The following NUP153 variants were observed in gnomAD, a reference collection of about 807,000 sequenced individuals.
The protein encoded by NUP153 is nucleoporin 153.
In NUP153, 27 loss-of-function variants were observed where a neutral mutation model predicts 134.6. The observed-to-expected ratio is 0.20, with a 90% confidence interval of 0.15 to 0.28. The LOEUF is 0.28. Ranked by LOEUF, NUP153 falls within the 10% of genes least tolerant of loss-of-function variation. The pLI is 1.00. For synonymous variants in NUP153, 640 were observed against 623.5 expected (o/e 1.03, Z -0.40); for missense variants, 1,821 against 1,731.3 (o/e 1.05, Z -0.92).
intron 2 of NUP153, among the ~76,000 whole-genome samples, chr6:17,683,465 T>C (rs576025698): frequency 1.3e-5 from 2 of 152,358 alleles, no homozygotes; most frequent in South Asian, 4.1e-4. Context: ...ATTAGAGCTC[T>C]TGGGTGACCA....
intron 1 of NUP153, among the ~76,000 whole-genome samples, chr6:17,693,950 G>C (rs188543312): frequency 5.3e-5 from 8 of 152,186 alleles, no homozygotes; most frequent in Admixed American, 5.2e-4. Flanking sequence ...ACTTTTTCAG[G>C]TCTTTGCTTA....
rs189763169 is a variant in NUP153 at position 17,702,447 on chromosome 6, G to T, written c.111+3830C>A. On this transcript the variant is annotated intron_variant, in intron 1 of 21. Coordinates refer to ENST00000262077, the MANE Select transcript of NUP153 (RefSeq NM_005124.4). ...GGCGTGAACCCGGGAGGCAGAGCTT[G>T]CAGTGAGCAGAGATCGTGCCACTGC... Among the ~76,000 whole-genome samples, 45 of 152,204 alleles carry T rather than the reference G, an allele frequency of 3.0e-4. 1 individual carries two copies. In the East Asian group the frequency reaches 7.3e-3, roughly 25 times the overall value.
chr6:17,637,712 T>C lies in NUP153; in HGVS notation c.1905A>G (p.Val635=). The change falls in exon 16 of 22, where the codon GTA becomes GTG. Residue 635 remains valine, a synonymous_variant. Coordinates refer to ENST00000262077, the MANE Select transcript of NUP153 (RefSeq NM_005124.4). The part of the protein sequence containing the change: ...VAAQPTATSP[V]VYTRPAISSF... ...TACTTATTGCTGGTCTTGTATAAAC[T>C]ACTGGGCTTGTTGCGGTGGGCTGAG... 1 of 1,608,764 alleles carries C rather than the reference T, an allele frequency of 6.2e-7. No homozygotes were observed. Among genetic ancestry groups the C allele is most frequent in the Non-Finnish European group, 8.5e-7 (1 of 1,179,998 alleles).
In NUP153 at chr6:17,637,310, A is replaced by C. The variant is rs755626619; in HGVS notation, c.2307T>G (p.Thr769=). Residue 769 remains threonine, a synonymous_variant, in exon 16 of 22, where the codon ACT becomes ACG. Coordinates refer to ENST00000262077, the MANE Select transcript of NUP153 (RefSeq NM_005124.4). ...TGCAGCTGGAAGATGAAGCAGTCATAGTCTCAGCACTTTCCGAAACCACTG... is the reference window on the plus strand; with the variant it reads ...TGCAGCTGGAAGATGAAGCAGTCATCGTCTCAGCACTTTCCGAAACCACTG... The part of the protein sequence containing the change: ...TLTVVSESAE[T]MTASSSSCTV... The C allele has an allele frequency of 1.2e-6, 2 of 1,614,234 alleles. No homozygotes were observed. Among genetic ancestry groups the C allele is most frequent in the Non-Finnish European group, 1.7e-6 (2 of 1,180,040 alleles).
intron 2 of NUP153, 95 bp downstream of exon 2, chr6:17,688,301 T>C (rs1365578998): frequency 3.5e-6 from 3 of 846,792 alleles, no homozygotes; most frequent in Non-Finnish European, 5.8e-6. Context: ...ATGGTTTATG[T>C]ACCGCCTGAT....
chr6:17,701,423 G>C (rs1209994099), intron 1 of NUP153, among the ~76,000 whole-genome samples: 1 of 151,962 alleles, frequency 6.6e-6, no homozygotes, highest in Non-Finnish European at 1.5e-5. Flanking sequence ...CAGCACTTTG[G>C]GAGGTCAAGG....
chr6:17,686,437 C>T (rs1170758539), intron 2 of NUP153, among the ~76,000 whole-genome samples: 1 of 151,556 alleles, frequency 6.6e-6, no homozygotes, highest in African/African-American at 2.4e-5. Flanking sequence ...TCGCTGTCGC[C>T]CAGGCTGGAG....
intron 11 of NUP153, among the ~76,000 whole-genome samples, chr6:17,650,512 A>G (rs1348373588): frequency 6.6e-6 from 1 of 152,234 alleles, no homozygotes; most frequent in Non-Finnish European, 1.5e-5. Context: ...ATGAGTTCAG[A>G]GAAGTCCATT....
At chr6:17,653,475 T>TA (rs1046586189) in intron 11 of NUP153, among the ~76,000 whole-genome samples, 3 of 152,212 alleles carry the variant, frequency 2.0e-5, no homozygotes, top group Non-Finnish European at 2.9e-5. Context: ...AAGAGGGATA[T>TA]AAAATGGCAC....
chr6:17,624,674 C>T lies in NUP153; in HGVS notation c.4061G>A (p.Gly1354Asp). Residue 1354 changes from glycine (G) to aspartate (D), a missense_variant, in exon 20 of 22, where the codon GGT (glycine) becomes GAT (aspartate). Physicochemically the swap from Gly to Asp is moderately conservative, Grantham distance 94. Transcript: ENST00000262077. ...ISSSTALFPT[G>D]SQPAPPTFGT... ...AAAAGTAGGTGGTGCAGGCTGAGAA[C>T]CAGTGGGAAATAATGCTGTGGAAGA... 1 of 1,614,114 alleles carries T rather than the reference C, an allele frequency of 6.2e-7. No individual in the cohort carries two copies.
intron 13 of NUP153, among the ~76,000 whole-genome samples, chr6:17,646,941 G>C (rs906331832): frequency 7.6e-6 from 1 of 130,842 alleles, no homozygotes; most frequent in Non-Finnish European, 1.6e-5. Context: ...TTTTTTAGTA[G>C]AGACGAGGTT....
At chr6:17,644,102 C>A (rs1306215285) in intron 14 of NUP153, among the ~76,000 whole-genome samples, 1 of 151,918 alleles carries the variant, frequency 6.6e-6, no homozygotes, top group East Asian at 1.9e-4. Flanking sequence ...TTAGTTTGGG[C>A]CACTTCCATA....
Position 17,675,773 on chromosome 6 carries a change from T to TAA in NUP153, c.335-5_335-4dup, listed in dbSNP as rs748134830. 4.3e-6 allele frequency: 7 copies of TAA among 1,612,330 alleles called. No individual in the cohort carries two copies. The East Asian group carries it at 1.6e-4, about 36-fold the overall frequency. The stretch of plus-strand genomic sequence containing the variant: ...AGCAGTACTAGTTGTTGAAGGTTCT[T>TAA]AAAAGAAAAGCATTAATATTATGAA... On this transcript the variant is annotated splice_polypyrimidine_tract_variant and splice_region_variant and intron_variant, in intron 2 of 21. Coordinates refer to ENST00000262077, the MANE Select transcript of NUP153 (RefSeq NM_005124.4). This position sits in a 1 kb window ranked among gnomAD's most constrained non-coding sequence, Gnocchi z 4.4.
intron 13 of NUP153, 126 bp downstream of exon 13, chr6:17,647,681 A>G: frequency 1.5e-6 from 1 of 648,738 alleles, no homozygotes; most frequent in Non-Finnish European, 2.7e-6. Flanking sequence ...TTTTTTACAC[A>G]GAGTATTTTT....
At position 17,706,684 on chromosome 6, in the gene NUP153, CAG is replaced by C; in HGVS notation, c.-299_-298del. 1 of 463,074 alleles carries C rather than the reference CAG, an allele frequency of 2.2e-6. No individual in the cohort carries two copies. Among genetic ancestry groups the C allele is most frequent in the South Asian group, 2.3e-5 (1 of 43,492 alleles). The allele number at this position is 463,074 out of a possible 1,614,324, so 28.7% of individuals were successfully genotyped here. ...TCACGGTCTCTATGGAGATCTCCCG[CAG>C]AGGACAGCACGAACAGTTCCCCGCG... On this transcript the variant is annotated 5_prime_UTR_variant, in exon 1 of 22. Coordinates refer to ENST00000262077, the MANE Select transcript of NUP153 (RefSeq NM_005124.4). This position sits in a 1 kb window ranked among gnomAD's most constrained non-coding sequence, Gnocchi z 5.9.
intron 11 of NUP153, among the ~76,000 whole-genome samples, chr6:17,651,221 T>G (rs1183963647): frequency 1.3e-5 from 2 of 152,114 alleles, no homozygotes; most frequent in Non-Finnish European, 2.9e-5. Flanking sequence ...GAGAATGGCC[T>G]GAGTCCAGGA....
At position 17,625,665 on chromosome 6, in the gene NUP153, T is replaced by C. The variant is rs1581663879; in HGVS notation, c.3901+143A>G. On this transcript the variant is annotated intron_variant, in intron 19 of 21. Transcript: ENST00000262077. The surrounding 1 kb of genome is among the most constrained non-coding windows in gnomAD (Gnocchi z 4.7). ...AGTGTACATTATTCCATACAGTGAA[T>C]AATTAAAACAACCCTGGTATAGATG... 3.0e-6 allele frequency: 2 copies of C among 663,818 alleles called. No homozygotes were observed. The highest frequency in any genetic ancestry group is 5.3e-6 in the Non-Finnish European group (2 of 375,184). 41.1% of individuals were successfully genotyped at this position (663,818 alleles called of 1,614,324 possible). A position where few individuals can be genotyped will look rare whatever the true frequency, so the allele number is the denominator to read the frequency against.
rs1764306112 is a variant in NUP153, at chr6:17,616,172, C to T, written c.4353G>A (p.Gly1451=). ...TTCCAGAAGAAGAGAACACATTTTT[C>T]CCATTTGACCTGTGAAAAATAAAAA... The part of the protein sequence containing the change: ...SPAAFTVGSN[G]KNVFSSSGTS... The change falls in exon 22 of 22, where the codon GGG becomes GGA. Residue 1451 remains glycine, a synonymous_variant. Coordinates refer to ENST00000262077, the MANE Select transcript of NUP153 (RefSeq NM_005124.4). The T allele has an allele frequency of 5.0e-6, 8 of 1,610,542 alleles. No individual in the cohort carries two copies. Among genetic ancestry groups the T allele is most frequent in the Non-Finnish European group, 6.8e-6 (8 of 1,177,934 alleles).
chr6:17,676,721 T>C (rs1272349312), intron 2 of NUP153, among the ~76,000 whole-genome samples: 2 of 152,030 alleles, frequency 1.3e-5, no homozygotes, highest in Admixed American at 6.6e-5. Context: ...AGCCCTACGA[T>C]TACCCAGCTC....
Sources: gnomAD v4.1 joint callset for allele counts (sites outside exome capture counted in the v4.1 genomes callset) on GRCh38, gnomAD v4.1.1 for gene constraint, Gnocchi (gnomAD v3.1) non-coding constraint, MANE v1.5 for transcripts, NCBI Gene and HGNC (gene_info 2026-07-23, HGNC 2026-07-21) for gene names.